Variants in PTPRD observed in about 807,000 individuals in gnomAD.
PTPRD encodes protein tyrosine phosphatase receptor type D.
In PTPRD, 34 loss-of-function variants were observed where a neutral mutation model predicts 214.5. The ratio of observed to expected loss-of-function variants is 0.16; its 90% CI spans 0.12 to 0.21. PTPRD has a LOEUF of 0.21. PTPRD is among the 10% of genes least tolerant of loss of function. PTPRD has a pLI of 1.00. For missense variants in PTPRD, 2,545 were observed against 2,398.7 expected (o/e 1.06, Z -1.27); for synonymous variants, 1,128 against 845.7 (o/e 1.33, Z -5.79).
chr9:8,897,641 C>T (rs72704381), intron 11 of PTPRD, among the ~76,000 whole-genome samples: 17,553 of 152,160 alleles, frequency 0.12, 1,415 homozygotes, highest in East Asian at 0.28. Context: ...GGACTCAGTA[C>T]CAACCTGAAC....
intron 10 of PTPRD, among the ~76,000 whole-genome samples, chr9:9,182,991 G>A (rs1388374147): frequency 6.6e-6 from 1 of 151,822 alleles, no homozygotes; most frequent in East Asian, 1.9e-4. Context: ...AGCATCTGCT[G>A]CTTCAATTCA....
At chr9:8,573,725 A>C (rs932202619) in intron 14 of PTPRD, among the ~76,000 whole-genome samples, 1 of 152,000 alleles carries the variant, frequency 6.6e-6, no homozygotes, top group East Asian at 1.9e-4. Flanking sequence ...TTTTTATCAC[A>C]TTAGAAAAAA....
intron 9 of PTPRD, among the ~76,000 whole-genome samples, chr9:9,370,937 C>T (rs2059320653): frequency 6.6e-6 from 1 of 152,212 alleles, no homozygotes; most frequent in Non-Finnish European, 1.5e-5. Context: ...TATGTTGAAC[C>T]AGCCTTGCAT....
intron 11 of PTPRD, among the ~76,000 whole-genome samples, chr9:8,874,323 G>A (rs1193970923): frequency 2.0e-5 from 3 of 151,984 alleles, no homozygotes; most frequent in Non-Finnish European, 4.4e-5. Context: ...TTTGTTCCTC[G>A]TAGATGTTCA....
At chr9:8,395,843 A>C (rs2091000106) in intron 36 of PTPRD, among the ~76,000 whole-genome samples, 1 of 152,030 alleles carries the variant, frequency 6.6e-6, no homozygotes, top group Non-Finnish European at 1.5e-5. Flanking sequence ...GGCTGATTGA[A>C]CTATCTTTGA....
chr9:9,426,520 G>A (rs1349916670), intron 8 of PTPRD, among the ~76,000 whole-genome samples: 1 of 152,188 alleles, frequency 6.6e-6, no homozygotes, highest in Admixed American at 6.5e-5. Context: ...AACTTCTGCA[G>A]ACTTAAAGGT....
intron 9 of PTPRD, among the ~76,000 whole-genome samples, chr9:9,394,309 G>A (rs2066938976): frequency 6.6e-6 from 1 of 152,220 alleles, no homozygotes; most frequent in Non-Finnish European, 1.5e-5. Context: ...CTCACTAGAA[G>A]GACATCTCCA....
intron 11 of PTPRD, among the ~76,000 whole-genome samples, chr9:8,906,120 T>G (rs2098705959): frequency 6.6e-6 from 1 of 152,224 alleles, no homozygotes; most frequent in Admixed American, 6.5e-5. Flanking sequence ...ATGAATTAAA[T>G]ATTTGTAAGG....
chr9:10,510,781 T>C (rs1368046030), intron 2 of PTPRD, among the ~76,000 whole-genome samples: 4 of 152,124 alleles, frequency 2.6e-5, no homozygotes, highest in Non-Finnish European at 5.9e-5. Context: ...AGTTGCCCTA[T>C]TGTGCTACAA....
At chr9:8,780,760 T>A (rs2095662349) in intron 11 of PTPRD, among the ~76,000 whole-genome samples, 1 of 152,152 alleles carries the variant, frequency 6.6e-6, no homozygotes, top group Non-Finnish European at 1.5e-5. Context: ...CTGAGGTAAG[T>A]AAAGAAACAA....
intron 37 of PTPRD, among the ~76,000 whole-genome samples, chr9:8,377,661 G>A (rs1317778362): frequency 1.1e-4 from 17 of 151,598 alleles, no homozygotes; most frequent in Admixed American, 1.1e-3. Context: ...CATTTCTCTA[G>A]GTAAAGAAAG....
chr9:8,850,205 T>C (rs1335172929), intron 11 of PTPRD, among the ~76,000 whole-genome samples: 2 of 152,012 alleles, frequency 1.3e-5, no homozygotes, highest in Non-Finnish European at 2.9e-5. Context: ...AACAAGCAGA[T>C]AGAAATGCAC....
chr9:9,681,267 T>G (rs1036813020), intron 7 of PTPRD, among the ~76,000 whole-genome samples: 2 of 151,760 alleles, frequency 1.3e-5, no homozygotes, highest in Admixed American at 1.3e-4. Flanking sequence ...GAGCCCTGTT[T>G]CCTTGGTGGA....
intron 12 of PTPRD, among the ~76,000 whole-genome samples, chr9:8,730,919 A>G (rs2098650379): frequency 7.4e-6 from 1 of 134,844 alleles, no homozygotes; most frequent in Admixed American, 7.6e-5. Flanking sequence ...AACAACAAGC[A>G]AAATCATCTG....
chr9:10,089,147 CAGTG>C (rs1180633660), intron 3 of PTPRD, among the ~76,000 whole-genome samples: 1 of 150,674 alleles, frequency 6.6e-6, no homozygotes, highest in African/African-American at 2.4e-5. Flanking sequence ...TTTGAGGTTG[CAGTG>C]AGCTATGATA....
chr9:9,532,440 C>A (rs564070832), intron 8 of PTPRD, among the ~76,000 whole-genome samples: 1 of 152,242 alleles, frequency 6.6e-6, no homozygotes, highest in South Asian at 2.1e-4. Flanking sequence ...AAATTTGGAA[C>A]TGGACTTTCT....
chr9:9,076,378 A>T lies in PTPRD; in HGVS notation c.-142-57643T>A, dbSNP rs553710853. ...CTGATGGCAGTTTCTTTTGCTGTGC[A>T]GAAGCTCTTTAGTTTAATTAGTGTA... On this transcript the variant is annotated intron_variant, in intron 10 of 45. Transcript: ENST00000381196. Among the ~76,000 whole-genome samples the T allele has an allele frequency of 9.9e-3, 1,510 of 152,184 alleles. 22 individuals carry two copies. Among genetic ancestry groups the T allele is most frequent in the African/African-American group, 0.034 (1,424 of 41,518 alleles).
chr9:8,846,968 C>T (rs74466068), intron 11 of PTPRD, among the ~76,000 whole-genome samples: 2,715 of 152,158 alleles, frequency 0.018, 65 homozygotes, highest in South Asian at 0.062. Context: ...GAGGTCAAAA[C>T]CAAACACAAG....
chr9:9,757,732 A>G (rs1336784721), intron 6 of PTPRD, among the ~76,000 whole-genome samples: 1 of 152,132 alleles, frequency 6.6e-6, no homozygotes, highest in African/African-American at 2.4e-5. Context: ...TCATATAAAT[A>G]TAAGAAAGGA....
Sources: allele counts gnomAD v4.1 joint callset (sites outside exome capture counted in the v4.1 genomes callset), GRCh38; gene constraint gnomAD v4.1.1; transcripts MANE v1.5; gene names NCBI Gene and HGNC (gene_info 2026-07-23, HGNC 2026-07-21).